Variants in GRID1 observed in about 807,000 individuals in gnomAD.
GRID1 encodes the protein glutamate ionotropic receptor delta type subunit 1.
In GRID1, 28 loss-of-function variants were observed where a neutral mutation model predicts 98.0. That is an observed-to-expected ratio of 0.29 (90% CI 0.21 to 0.39). The LOEUF (loss-of-function observed/expected upper bound fraction) is 0.39, where lower values mean the gene tolerates loss of function less well. Ranked by LOEUF, GRID1 falls within the 10% of genes least tolerant of loss-of-function variation. GRID1 has a pLI of 1.00. For missense variants in GRID1, 1,111 were observed against 1,340.5 expected (o/e 0.83, Z 2.67); for synonymous variants, 553 against 538.5 (o/e 1.03, Z -0.37).
chr10:85,815,498 TA>T (rs1416204426), intron 8 of GRID1, among the ~76,000 whole-genome samples: 1 of 152,000 alleles, frequency 6.6e-6, no homozygotes, highest in East Asian at 1.9e-4. Flanking sequence ...TAGAAAAAAC[TA>T]AACAATTATA....
chr10:85,991,388 G>A (rs10887539), intron 4 of GRID1, among the ~76,000 whole-genome samples: 76,274 of 151,980 alleles, frequency 0.5, 19,612 homozygotes, highest in South Asian at 0.72. Flanking sequence ...AGGTGGATGC[G>A]AAGGCTCACA....
intron 4 of GRID1, among the ~76,000 whole-genome samples, chr10:86,094,115 T>C (rs1221598617): frequency 6.6e-6 from 1 of 152,172 alleles, no homozygotes; most frequent in African/African-American, 2.4e-5. Flanking sequence ...TCTCAATAGG[T>C]GCAGAAAAAG....
intron 8 of GRID1, among the ~76,000 whole-genome samples, chr10:85,786,024 C>T (rs1309867336): frequency 1.3e-5 from 2 of 152,090 alleles, no homozygotes; most frequent in Non-Finnish European, 2.9e-5. Context: ...TACACATACA[C>T]ATGCACATAC....
intron 12 of GRID1, among the ~76,000 whole-genome samples, chr10:85,662,156 T>A (rs902634790): frequency 6.6e-6 from 1 of 152,190 alleles, no homozygotes. Flanking sequence ...AGATGTTGCA[T>A]CCTGATTTGT....
intron 2 of GRID1, among the ~76,000 whole-genome samples, chr10:86,251,069 G>C (rs1329740292): frequency 1.3e-5 from 2 of 152,148 alleles, no homozygotes; most frequent in African/African-American, 4.8e-5. Context: ...TCTGAAACAT[G>C]TGCTGTGTCC....
At chr10:85,871,473 A>C (rs1228964219) in intron 5 of GRID1, among the ~76,000 whole-genome samples, 1 of 152,242 alleles carries the variant, frequency 6.6e-6, no homozygotes, top group Non-Finnish European at 1.5e-5. Flanking sequence ...CCAGGTTAAG[A>C]AAAGCTCTGG....
At chr10:86,251,983 G>T (rs1407984937) in intron 2 of GRID1, among the ~76,000 whole-genome samples, 1 of 152,166 alleles carries the variant, frequency 6.6e-6, no homozygotes, top group Non-Finnish European at 1.5e-5. Context: ...TTGGGCTATG[G>T]TTAGATGTCA....
At chr10:85,739,619 AT>A (rs1841921038) in intron 8 of GRID1, among the ~76,000 whole-genome samples, 1 of 151,984 alleles carries the variant, frequency 6.6e-6, no homozygotes, top group African/African-American at 2.4e-5. Context: ...CAAAAATAAC[AT>A]TATGATCAAT....
intron 12 of GRID1, among the ~76,000 whole-genome samples, chr10:85,677,250 G>A (rs768820330): frequency 1.3e-5 from 2 of 152,176 alleles, no homozygotes; most frequent in African/African-American, 2.4e-5. Context: ...TTTTAATTAA[G>A]ACCAGGGTCT....
At chr10:85,981,291 A>G (rs1842541512) in intron 4 of GRID1, among the ~76,000 whole-genome samples, 1 of 152,178 alleles carries the variant, frequency 6.6e-6, no homozygotes, top group Non-Finnish European at 1.5e-5. Context: ...CCAGGACAAG[A>G]CCTGTTTGGT....
chr10:85,709,330 G>C (rs1397066919), intron 12 of GRID1, among the ~76,000 whole-genome samples: 1 of 152,190 alleles, frequency 6.6e-6, no homozygotes, highest in Admixed American at 6.5e-5. Flanking sequence ...AATAATTGTA[G>C]ATGGAAATCA....
chr10:85,740,679 T>C (rs1043163420), intron 8 of GRID1, among the ~76,000 whole-genome samples: 3 of 152,066 alleles, frequency 2.0e-5, no homozygotes, highest in South Asian at 4.1e-4. Context: ...GCCCATGATA[T>C]CCTGACCATA....
At chr10:86,299,121 T>C (rs1265678305) in intron 2 of GRID1, among the ~76,000 whole-genome samples, 1 of 151,622 alleles carries the variant, frequency 6.6e-6, no homozygotes, top group Non-Finnish European at 1.5e-5. Context: ...TAACGTCACA[T>C]ACAACCAATC....
chr10:85,769,310 G>A (rs1352580457), intron 8 of GRID1, among the ~76,000 whole-genome samples: 2 of 152,166 alleles, frequency 1.3e-5, no homozygotes, highest in Non-Finnish European at 2.9e-5. Context: ...ATAAATGTGG[G>A]GTACACATGA....
chr10:86,189,753 C>T (rs75181667), intron 3 of GRID1, among the ~76,000 whole-genome samples: 4,352 of 152,218 alleles, frequency 0.029, 78 homozygotes, highest in Middle Eastern at 0.048. Context: ...TAGTACTCCT[C>T]CCTATCCCCT....
In GRID1 at chr10:85,723,141, C is replaced by T; in HGVS notation, c.1859G>A (p.Gly620Asp). The stretch of plus-strand genomic sequence containing the variant: ...CATGGAGTTCACGGAAGATTCGCCA[C>T]CTGCGGGAGGCAGACAAAGTGGATT... ...WIVYGAFVQQ[G>D]GESSVNSMAM... The change falls in exon 12 of 16, where the codon GGT becomes GAT. Residue 620 changes from glycine to aspartate, a missense_variant and splice_region_variant. Gly to Asp is a moderately conservative substitution (Grantham distance 94). This residue lies in a region of GRID1 where 762 missense variants were observed against 869.1 expected (regional missense o/e 0.88). Transcript: ENST00000327946. 1.2e-6 allele frequency: 2 copies of T among 1,604,902 alleles called. No homozygotes were observed. The highest frequency in any genetic ancestry group is 1.1e-5 in the South Asian group (1 of 88,796).
intron 2 of GRID1, among the ~76,000 whole-genome samples, chr10:86,211,277 A>G (rs1433054982): frequency 6.6e-6 from 1 of 152,150 alleles, no homozygotes; most frequent in East Asian, 1.9e-4. Flanking sequence ...TTGCCTCCAT[A>G]TTATATGGTC....
At chr10:85,989,708 A>C (rs984722322) in intron 4 of GRID1, among the ~76,000 whole-genome samples, 2 of 152,220 alleles carry the variant, frequency 1.3e-5, no homozygotes, top group East Asian at 1.9e-4. Flanking sequence ...ATTGTCTTCC[A>C]CGAAATCTGT....
intron 4 of GRID1, among the ~76,000 whole-genome samples, chr10:85,983,335 G>A (rs572569802): frequency 7.9e-5 from 12 of 152,312 alleles, no homozygotes; most frequent in African/African-American, 2.6e-4. Context: ...AGAAAGGAGT[G>A]AGGCACATGT....
Sources: allele counts gnomAD v4.1 joint callset (sites outside exome capture counted in the v4.1 genomes callset), GRCh38; gene constraint gnomAD v4.1.1; regional missense constraint gnomAD v4.1.1; transcripts MANE v1.5; gene names NCBI Gene and HGNC (gene_info 2026-07-23, HGNC 2026-07-21).